DDC: variants seen among roughly 807,000 people sequenced by gnomAD.
DDC encodes dopa decarboxylase.
Under a neutral mutation model 60.0 loss-of-function variants are expected in DDC, and 43 were observed. That is an observed-to-expected ratio of 0.72 (90% CI 0.56 to 0.92). The LOEUF (loss-of-function observed/expected upper bound fraction) is 0.92, where lower values mean the gene tolerates loss of function less well. DDC is among the 40% of genes least tolerant of loss of function. DDC has a pLI of 0.00. For synonymous variants in DDC, 232 were observed against 234.6 expected (o/e 0.99, Z 0.10); for missense variants, 573 against 620.2 (o/e 0.92, Z 0.81).
intron 1 of DDC, 136 bp from the exon 2 acceptor site, chr7:50,544,249 G>T: frequency 1.4e-6 from 1 of 707,230 alleles, no homozygotes; most frequent in Non-Finnish European, 2.5e-6. Context: ...CCAAGTAAGG[G>T]GCGCTTTCCC....
chr7:50,527,089 T>C (rs1280923426), intron 6 of DDC, among the ~76,000 whole-genome samples: 1 of 152,240 alleles, frequency 6.6e-6, no homozygotes, highest in Non-Finnish European at 1.5e-5. Context: ...GAATCGGTTT[T>C]GTGTTCTTAG....
intron 1 of DDC, among the ~76,000 whole-genome samples, chr7:50,563,104 T>A (rs777810221): frequency 2.0e-5 from 3 of 150,952 alleles, no homozygotes; most frequent in Admixed American, 6.6e-5. Context: ...GAGGTGGAAG[T>A]TGCAGCGAGC....
intron 2 of DDC, among the ~76,000 whole-genome samples, chr7:50,541,775 A>G (rs2044642238): frequency 6.6e-6 from 1 of 152,192 alleles, no homozygotes; most frequent in Non-Finnish European, 1.5e-5. Flanking sequence ...ATCTCTTACA[A>G]TCTGAGAAGA....
At chr7:50,479,900 A>C (rs779203355) in intron 9 of DDC, 37 bp from the exon 10 acceptor site, 1 of 1,568,334 alleles carries the variant, frequency 6.4e-7, no homozygotes. Flanking sequence ...CTGATAACCA[A>C]GTACCCTAGA....
intron 1 of DDC, among the ~76,000 whole-genome samples, chr7:50,549,546 C>T (rs557401888): frequency 2.0e-5 from 3 of 151,574 alleles, no homozygotes; most frequent in South Asian, 4.2e-4. Context: ...CCCAGCTACT[C>T]GGGAGGCTGA....
At chr7:50,490,544 C>G (rs1240187669) in intron 9 of DDC, among the ~76,000 whole-genome samples, 1 of 152,170 alleles carries the variant, frequency 6.6e-6, no homozygotes, top group East Asian at 1.9e-4. Flanking sequence ...GTGGCACGCT[C>G]CTGTAGTCCC....
At chr7:50,467,686 G>A (rs571111484) in intron 12 of DDC, among the ~76,000 whole-genome samples, 8 of 152,324 alleles carry the variant, frequency 5.3e-5, no homozygotes, top group African/African-American at 1.7e-4. Flanking sequence ...AGGTGCCAGC[G>A]CTCACCACTG....
intron 8 of DDC, among the ~76,000 whole-genome samples, chr7:50,498,169 C>A (rs1390418528): frequency 6.6e-6 from 1 of 152,224 alleles, no homozygotes; most frequent in East Asian, 1.9e-4. Flanking sequence ...CTTATGAAAT[C>A]TATTTTCTGG....
rs1387895353 is a variant in DDC, at chr7:50,502,590, C to A, written c.781+1403G>T. The stretch of plus-strand genomic sequence containing the variant: ...GCAGTCCTGAGTCAGCCAGTTCTAT[C>A]CCTTCTCCCCAGCCCGGGGCTGTGC... On this transcript the variant is annotated intron_variant, in intron 7 of 14. Coordinates refer to ENST00000444124, the MANE Select transcript of DDC (RefSeq NM_001082971.2). 3.3e-5 allele frequency among the ~76,000 whole-genome samples: 5 copies of A among 152,200 alleles called. No homozygotes were observed. In the East Asian group the frequency reaches 9.6e-4, roughly 29 times the overall value.
intron 4 of DDC, chr7:50,531,868 A>G (rs1453134862): frequency 6.6e-6 from 1 of 152,218 alleles, no homozygotes; most frequent in Non-Finnish European, 1.5e-5. Flanking sequence ...TTGCCATGGC[A>G]AGCCTGCTCA....
chr7:50,540,618 C>G (rs141525320), intron 2 of DDC, among the ~76,000 whole-genome samples: 1 of 152,340 alleles, frequency 6.6e-6, no homozygotes, highest in Non-Finnish European at 1.5e-5. Context: ...AGCCAAGCAG[C>G]TGGATCACCC....
intron 6 of DDC, among the ~76,000 whole-genome samples, chr7:50,527,404 T>C (rs1488742996): frequency 6.6e-6 from 1 of 152,234 alleles, no homozygotes; most frequent in Non-Finnish European, 1.5e-5. Flanking sequence ...ATTGACACTA[T>C]AGGTTCAAAG....
intron 6 of DDC, among the ~76,000 whole-genome samples, chr7:50,509,920 T>A (rs2043501833): frequency 6.6e-6 from 1 of 152,204 alleles, no homozygotes; most frequent in Admixed American, 6.5e-5. Flanking sequence ...TCCCAAGAAA[T>A]TCTGATAAGT....
At chr7:50,465,205 A>G (rs2042368137) in intron 13 of DDC, among the ~76,000 whole-genome samples, 1 of 152,242 alleles carries the variant, frequency 6.6e-6, no homozygotes, top group Non-Finnish European at 1.5e-5. Context: ...ATTTATACAA[A>G]TGTCCAGAAT....
chr7:50,508,979 C>A (rs571768812), intron 6 of DDC, among the ~76,000 whole-genome samples: 3 of 152,316 alleles, frequency 2.0e-5, no homozygotes, highest in African/African-American at 7.2e-5. Flanking sequence ...CCTGGATATC[C>A]CCTGACACAG....
At chr7:50,473,848 G>A (rs773623940) in intron 11 of DDC, among the ~76,000 whole-genome samples, 12 of 152,376 alleles carry the variant, frequency 7.9e-5, no homozygotes, top group South Asian at 4.1e-4. Context: ...GCAGGCTGGA[G>A]GATCGAGGTG....
chr7:50,501,582 T>A (rs1107743), intron 7 of DDC, among the ~76,000 whole-genome samples: 14,464 of 152,272 alleles, frequency 0.095, 1,060 homozygotes, highest in South Asian at 0.12. Context: ...GAATAACTTA[T>A]CTGAATTATG....
intron 12 of DDC, among the ~76,000 whole-genome samples, chr7:50,469,459 G>A (rs1373206324): frequency 6.6e-6 from 1 of 152,020 alleles, no homozygotes; most frequent in East Asian, 1.9e-4. Context: ...GCAATTTTGG[G>A]GGAGAAAAAC....
intron 8 of DDC, among the ~76,000 whole-genome samples, 186 bp downstream of exon 8, chr7:50,498,959 CAGG>C (rs2043183183): frequency 6.6e-6 from 1 of 152,174 alleles, no homozygotes; most frequent in Non-Finnish European, 1.5e-5. Flanking sequence ...AGGAGTATTT[CAGG>C]AGGACAGGCT....
Sources: allele counts gnomAD v4.1 joint callset (sites outside exome capture counted in the v4.1 genomes callset), GRCh38; gene constraint gnomAD v4.1.1; transcripts MANE v1.5; gene names NCBI Gene and HGNC (gene_info 2026-07-23, HGNC 2026-07-21).